TASP1: variants seen among roughly 807,000 people sequenced by gnomAD.
The protein encoded by TASP1 is taspase 1, also known as threonine aspartase 1.
Under a neutral mutation model 56.6 loss-of-function variants are expected in TASP1, and 16 were observed. The ratio of observed to expected loss-of-function variants is 0.28; its 90% confidence interval spans 0.19 to 0.43. TASP1 has a LOEUF of 0.43. TASP1 is among the 20% of genes least tolerant of loss of function. TASP1 has a pLI of 1.00. For synonymous variants in TASP1, 179 were observed against 184.2 expected (o/e 0.97, Z 0.23); for missense variants, 393 against 511.6 (o/e 0.77, Z 2.24).
At chr20:13,243,520 G>A in the TASP1 span, among the ~76,000 whole-genome samples, 9 of 152,212 alleles carry the variant, frequency 5.9e-5, no homozygotes, top group East Asian at 1.5e-3. Context: ...TCCACACTTA[G>A]GGCTGTCCTC....
At chr20:13,379,032 T>G in the TASP1 span, among the ~76,000 whole-genome samples, 50 of 152,328 alleles carry the variant, frequency 3.3e-4, 3 homozygotes, top group East Asian at 9.7e-3. Context: ...TTATCCAATT[T>G]GCCTCTCCGT....
the TASP1 span, among the ~76,000 whole-genome samples, chr20:13,162,093 A>C: frequency 6.6e-6 from 1 of 152,244 alleles, no homozygotes; most frequent in Non-Finnish European, 1.5e-5. Flanking sequence ...GTTGGTGTTA[A>C]GAAAAGACAG....
intron 10 of TASP1, 30 bp from the exon 11 acceptor site, chr20:13,483,367 GA>G (rs764645116): frequency 2.7e-6 from 4 of 1,489,816 alleles, no homozygotes; most frequent in Non-Finnish European, 3.6e-6. Context: ...AACAGTTGAG[GA>G]AAAGCAGCAC....
chr20:13,140,888 A>G, the TASP1 span, among the ~76,000 whole-genome samples: 3 of 152,228 alleles, frequency 2.0e-5, no homozygotes, highest in Non-Finnish European at 2.9e-5. Context: ...TACTCTGATT[A>G]TTTGTGAAAT....
At chr20:13,122,276 T>A in the TASP1 span, among the ~76,000 whole-genome samples, 2 of 152,158 alleles carry the variant, frequency 1.3e-5, no homozygotes, top group African/African-American at 4.8e-5. Context: ...GAGATAGACA[T>A]GAAACATTTG....
intron 10 of TASP1, among the ~76,000 whole-genome samples, chr20:13,489,181 C>T (rs1452649054): frequency 2.6e-5 from 4 of 152,260 alleles, no homozygotes; most frequent in South Asian, 4.1e-4. Flanking sequence ...CCTGTAAATG[C>T]ACTACCTGAA....
intron 6 of TASP1, among the ~76,000 whole-genome samples, chr20:13,577,255 T>C (rs1052934628): frequency 6.6e-6 from 1 of 152,124 alleles, no homozygotes; most frequent in Non-Finnish European, 1.5e-5. Flanking sequence ...ACGTTGTAGG[T>C]AGAAATGTAA....
At chr20:13,476,138 A>G in intron 11 of TASP1, among the ~76,000 whole-genome samples, 1 of 152,120 alleles carries the variant, frequency 6.6e-6, no homozygotes, top group Non-Finnish European at 1.5e-5. Context: ...AAATAAACAA[A>G]CAAACAAATA....
At chr20:13,160,016 C>A in the TASP1 span, 1 of 1,612,674 alleles carries the variant, frequency 6.2e-7, no homozygotes, top group South Asian at 1.1e-5. Flanking sequence ...TTTTGCAAGG[C>A]ATATGCTAGA....
At chr20:13,154,548 G>A in the TASP1 span, among the ~76,000 whole-genome samples, 9 of 152,216 alleles carry the variant, frequency 5.9e-5, no homozygotes, top group South Asian at 2.1e-4. Context: ...CTCTGCAGCC[G>A]TCCTCAGAAG....
intron 4 of TASP1, among the ~76,000 whole-genome samples, chr20:13,613,728 C>T (rs184360441): frequency 3.2e-4 from 48 of 151,990 alleles, no homozygotes; most frequent in African/African-American, 9.9e-4. Context: ...CAATTGGCTA[C>T]AGCCAATTAA....
At chr20:13,632,739 T>TAG (rs1276043890) in intron 1 of TASP1, among the ~76,000 whole-genome samples, 4 of 152,216 alleles carry the variant, frequency 2.6e-5, no homozygotes, top group Non-Finnish European at 5.9e-5. Flanking sequence ...TTTATTCAGT[T>TAG]AGAAATGAAG....
At chr20:13,367,038 C>G in the TASP1 span, among the ~76,000 whole-genome samples, 19 of 152,306 alleles carry the variant, frequency 1.2e-4, no homozygotes, top group Middle Eastern at 3.4e-3. Flanking sequence ...CATTGAAAGG[C>G]TCCTTTTATG....
At chr20:13,505,106 G>C (rs1381635901) in intron 10 of TASP1, among the ~76,000 whole-genome samples, 3 of 151,972 alleles carry the variant, frequency 2.0e-5, no homozygotes, top group African/African-American at 7.2e-5. Flanking sequence ...AAAACCAAAA[G>C]ACAGCGGGGG....
chr20:13,529,593 A>C (rs2045131409), intron 9 of TASP1, among the ~76,000 whole-genome samples: 1 of 152,210 alleles, frequency 6.6e-6, no homozygotes, highest in Admixed American at 6.5e-5. Context: ...CTTTTTAAAA[A>C]GTCTTTAAGA....
At chr20:13,396,364 A>G (rs2041537328) in intron 13 of TASP1, among the ~76,000 whole-genome samples, 1 of 152,256 alleles carries the variant, frequency 6.6e-6, no homozygotes, top group South Asian at 2.1e-4. Context: ...GATGTACTCA[A>G]CTAGCTGACA....
At chr20:13,223,192 T>TAAAATA in the TASP1 span, among the ~76,000 whole-genome samples, 37 of 148,614 alleles carry the variant, frequency 2.5e-4, no homozygotes, top group African/African-American at 8.9e-4. Flanking sequence ...TAAAATAAAA[T>TAAAATA]AAATAAATAA....
At chr20:13,494,714 G>A (rs1032115676) in intron 10 of TASP1, among the ~76,000 whole-genome samples, 7 of 151,904 alleles carry the variant, frequency 4.6e-5, no homozygotes, top group Non-Finnish European at 7.4e-5. Context: ...ATGAATAAAG[G>A]AGATATAAAC....
intron 10 of TASP1, among the ~76,000 whole-genome samples, chr20:13,492,326 T>G (rs994492527): frequency 3.9e-5 from 6 of 152,150 alleles, no homozygotes; most frequent in Non-Finnish European, 8.8e-5. Context: ...CTTTCCAAAT[T>G]TAAAAGGAAA....
Sources: gnomAD v4.1 joint callset for allele counts (sites outside exome capture counted in the v4.1 genomes callset) on GRCh38, gnomAD v4.1.1 for gene constraint, MANE v1.5 for transcripts, NCBI Gene and HGNC (gene_info 2026-07-23, HGNC 2026-07-21) for gene names.